OSBPL10: variants seen among roughly 807,000 people sequenced by gnomAD.
OSBPL10 encodes the protein oxysterol-binding protein-related protein 10.
OSBPL10 carries 49 observed loss-of-function variants against 81.7 expected under a neutral mutation model. That is an observed-to-expected ratio of 0.60 (90% CI 0.48 to 0.76). The LOEUF (loss-of-function observed/expected upper bound fraction) is 0.76, where lower values mean the gene tolerates loss of function less well. Ranked by LOEUF, OSBPL10 falls within the 30% of genes least tolerant of loss-of-function variation. The pLI is 0.00. For synonymous variants in OSBPL10, 419 were observed against 383.6 expected (o/e 1.09, Z -1.08); for missense variants, 923 against 987.8 (o/e 0.93, Z 0.88).
upstream of OSBPL10, among the ~76,000 whole-genome samples, chr3:31,984,334 C>T (rs1157711491): frequency 6.6e-6 from 1 of 151,222 alleles, no homozygotes; most frequent in Non-Finnish European, 1.5e-5. Flanking sequence ...GCCACCGTAC[C>T]GGGCCCACCT....
chr3:31,792,536 C>T (rs1442034787), intron 4 of OSBPL10, among the ~76,000 whole-genome samples: 1 of 151,994 alleles, frequency 6.6e-6, no homozygotes, highest in Non-Finnish European at 1.5e-5. Flanking sequence ...TGCAGCGGGG[C>T]GGAGGGGGGT....
intron 4 of OSBPL10, among the ~76,000 whole-genome samples, chr3:31,787,232 A>G (rs886808823): frequency 6.6e-6 from 1 of 152,200 alleles, no homozygotes; most frequent in South Asian, 2.1e-4. Context: ...CCTAAAAATT[A>G]GGCTTCAGGG....
chr3:31,886,042 T>TGG (rs1695728923), intron 1 of OSBPL10, among the ~76,000 whole-genome samples: 1 of 75,568 alleles, frequency 1.3e-5, no homozygotes, highest in Non-Finnish European at 2.7e-5. Context: ...GAGAAGGAGA[T>TGG]GGGGGGTGGG....
intron 2 of OSBPL10, among the ~76,000 whole-genome samples, chr3:32,041,879 C>G (rs780586820): frequency 1.3e-5 from 2 of 152,056 alleles, no homozygotes; most frequent in Non-Finnish European, 2.9e-5. Flanking sequence ...AGGCTGGTCT[C>G]GAACTCCTGA....
chr3:31,922,569 G>A (rs548068976), intron 1 of OSBPL10, among the ~76,000 whole-genome samples: 3 of 152,212 alleles, frequency 2.0e-5, no homozygotes, highest in South Asian at 2.1e-4. Flanking sequence ...AGTTAGCCTG[G>A]ATCGCACCAT....
At chr3:31,874,536 T>G (rs1701402758) in intron 3 of OSBPL10, among the ~76,000 whole-genome samples, 1 of 152,040 alleles carries the variant, frequency 6.6e-6, no homozygotes, top group African/African-American at 2.4e-5. Flanking sequence ...AAAAATGAGC[T>G]TAATAGAAAA....
intron 1 of OSBPL10, among the ~76,000 whole-genome samples, chr3:31,952,477 C>A (rs1697896234): frequency 2.6e-5 from 4 of 152,222 alleles, no homozygotes; most frequent in African/African-American, 9.6e-5. Flanking sequence ...TCAACCACTG[C>A]TGTGCATCTT....
intron 4 of OSBPL10, among the ~76,000 whole-genome samples, chr3:31,803,532 T>C (rs1001590014): frequency 2.6e-5 from 4 of 152,256 alleles, no homozygotes; most frequent in African/African-American, 7.2e-5. Flanking sequence ...AAAAATCATA[T>C]GGCATTTTTG....
chr3:31,975,272 A>C (rs1698664180), intron 1 of OSBPL10, among the ~76,000 whole-genome samples: 1 of 152,202 alleles, frequency 6.6e-6, no homozygotes. Context: ...ACACTCTGGC[A>C]GACTACACAG....
chr3:31,756,813 GA>G (rs1371370572), intron 4 of OSBPL10, among the ~76,000 whole-genome samples: 12 of 152,186 alleles, frequency 7.9e-5, no homozygotes, highest in Non-Finnish European at 4.4e-5. Context: ...AAAATAGGGG[GA>G]AACCTCCTCT....
intron 1 of OSBPL10, among the ~76,000 whole-genome samples, chr3:31,903,210 C>T (rs951934263): frequency 5.3e-5 from 8 of 152,082 alleles, no homozygotes; most frequent in Non-Finnish European, 8.8e-5. Flanking sequence ...AAATTCATGC[C>T]TTCACCTCAA....
intron 1 of OSBPL10, among the ~76,000 whole-genome samples, chr3:31,946,403 C>CA (rs11129472): frequency 0.047 from 6,668 of 143,268 alleles, 198 homozygotes; most frequent in African/African-American, 0.076. Context: ...TGTTTTTTAT[C>CA]AAAAAAAAAA....
At chr3:31,688,801 C>T (rs766754036) in intron 7 of OSBPL10, among the ~76,000 whole-genome samples, 4 of 152,140 alleles carry the variant, frequency 2.6e-5, no homozygotes, top group African/African-American at 9.7e-5. Context: ...ATTTCAGGAA[C>T]GTGTTTTGGG....
intron 4 of OSBPL10, among the ~76,000 whole-genome samples, chr3:31,750,593 G>C (rs371729823): frequency 2.1e-3 from 326 of 152,304 alleles, no homozygotes; most frequent in African/African-American, 7.6e-3. Context: ...TCTGACATTT[G>C]TATGTATAAA....
At chr3:31,779,770 G>T (rs763345643) in intron 4 of OSBPL10, among the ~76,000 whole-genome samples, 2 of 151,866 alleles carry the variant, frequency 1.3e-5, no homozygotes, top group Non-Finnish European at 2.9e-5. Flanking sequence ...ATCAGCACTT[G>T]GAATACTCAA....
At chr3:31,876,904 T>A (rs1461545914) in intron 2 of OSBPL10, among the ~76,000 whole-genome samples, 1 of 59,700 alleles carries the variant, frequency 1.7e-5, no homozygotes, top group Non-Finnish European at 4.1e-5. Flanking sequence ...CAAATGGCAC[T>A]TTTTTTTTTT....
At chr3:32,004,492 G>C (rs1699183642) in intron 2 of OSBPL10, among the ~76,000 whole-genome samples, 1 of 152,148 alleles carries the variant, frequency 6.6e-6, no homozygotes. Flanking sequence ...AGAACACAGG[G>C]ACAAAAAACA....
chr3:31,707,902 TAAAG>T (rs1329548483), intron 6 of OSBPL10, among the ~76,000 whole-genome samples: 2 of 151,438 alleles, frequency 1.3e-5, no homozygotes, highest in African/African-American at 2.4e-5. Context: ...TCTAGAAAAA[TAAAG>T]AGTGTGGAGT....
chr3:31,977,815 TATA>T (rs949852247), intron 1 of OSBPL10, among the ~76,000 whole-genome samples: 1 of 152,216 alleles, frequency 6.6e-6, no homozygotes, highest in African/African-American at 2.4e-5. Context: ...TTTAAATATC[TATA>T]ATAATGAATG....
Sources: gnomAD v4.1 joint callset for allele counts (sites outside exome capture counted in the v4.1 genomes callset) on GRCh38, gnomAD v4.1.1 for gene constraint, MANE v1.5 for transcripts, NCBI Gene and HGNC (gene_info 2026-07-23, HGNC 2026-07-21) for gene names.